GABBR2: variants seen among roughly 807,000 people sequenced by gnomAD.
GABBR2 encodes the protein gamma-aminobutyric acid type B receptor subunit 2, also known as G-protein coupled receptor 51.
In GABBR2, 23 loss-of-function variants were observed where a neutral mutation model predicts 105.6. The ratio of observed to expected loss-of-function variants is 0.22; its 90% CI spans 0.16 to 0.31. The LOEUF (loss-of-function observed/expected upper bound fraction) is 0.31, where lower values mean the gene tolerates loss of function less well. Ranked by LOEUF, GABBR2 falls within the 10% of genes least tolerant of loss-of-function variation. The pLI is 1.00. For missense variants in GABBR2, 734 were observed against 1,245.5 expected (o/e 0.59, Z 6.18); for synonymous variants, 478 against 499.7 (o/e 0.96, Z 0.58).
chr9:98,688,818 G>A (rs1051785096), intron 1 of GABBR2, among the ~76,000 whole-genome samples: 7 of 152,196 alleles, frequency 4.6e-5, no homozygotes, highest in Non-Finnish European at 7.3e-5. Flanking sequence ...TGGGAGGGGC[G>A]TTCCAGGGAA....
At chr9:98,295,667 A>G (rs1830368884) in intron 17 of GABBR2, among the ~76,000 whole-genome samples, 2 of 152,094 alleles carry the variant, frequency 1.3e-5, no homozygotes, top group South Asian at 4.1e-4. Context: ...CTGGGACTAC[A>G]GGCACGTGCT....
chr9:98,375,928 C>G (rs1831864942), intron 11 of GABBR2, among the ~76,000 whole-genome samples: 1 of 152,244 alleles, frequency 6.6e-6, no homozygotes, highest in African/African-American at 2.4e-5. Context: ...ATACAAGTCT[C>G]TACTGGTTCG....
At chr9:98,588,741 C>T (rs7861148) in intron 1 of GABBR2, among the ~76,000 whole-genome samples, 13,201 of 152,250 alleles carry the variant, frequency 0.087, 1,538 homozygotes, top group African/African-American at 0.27. Context: ...TTCCCAGCCC[C>T]TCCCCCCGAC....
intron 13 of GABBR2, among the ~76,000 whole-genome samples, chr9:98,316,969 G>A (rs1830729272): frequency 6.6e-6 from 1 of 152,174 alleles, no homozygotes; most frequent in Admixed American, 6.6e-5. Context: ...CTTCCCTGAT[G>A]TGCCCTCCTC....
intron 3 of GABBR2, among the ~76,000 whole-genome samples, chr9:98,527,088 T>TATA (rs955549505): frequency 6.8e-6 from 1 of 147,906 alleles, no homozygotes; most frequent in Non-Finnish European, 1.5e-5. Context: ...GTTAATAATA[T>TATA]ATAATAATAA....
At chr9:98,662,056 C>T (rs2090996993) in intron 1 of GABBR2, among the ~76,000 whole-genome samples, 1 of 152,234 alleles carries the variant, frequency 6.6e-6, no homozygotes, top group South Asian at 2.1e-4. Context: ...CACACTCTTA[C>T]AGGTGTTATT....
At chr9:98,673,402 G>A (rs1230762661) in intron 1 of GABBR2, among the ~76,000 whole-genome samples, 3 of 152,184 alleles carry the variant, frequency 2.0e-5, no homozygotes, top group Non-Finnish European at 4.4e-5. Context: ...AATGAGGACT[G>A]AGATGAAGAT....
At chr9:98,590,248 G>A (rs896203555) in intron 1 of GABBR2, among the ~76,000 whole-genome samples, 4 of 152,212 alleles carry the variant, frequency 2.6e-5, no homozygotes, top group African/African-American at 2.4e-5. Context: ...CCCCTTCCCC[G>A]GGGTGATGGA....
intron 13 of GABBR2, among the ~76,000 whole-genome samples, chr9:98,327,729 C>T (rs1190342216): frequency 2.6e-5 from 4 of 151,548 alleles, no homozygotes; most frequent in African/African-American, 4.9e-5. Context: ...ATTAGCCAGG[C>T]GTGATGGTGT....
intron 1 of GABBR2, among the ~76,000 whole-genome samples, chr9:98,638,883 A>G (rs573139841): frequency 6.6e-6 from 1 of 152,372 alleles, no homozygotes; most frequent in African/African-American, 2.4e-5. Context: ...TTCTGTCTTT[A>G]GATGAATGCA....
At chr9:98,520,009 C>T (rs1827834825) in intron 3 of GABBR2, among the ~76,000 whole-genome samples, 1 of 152,156 alleles carries the variant, frequency 6.6e-6, no homozygotes, top group Non-Finnish European at 1.5e-5. Context: ...TGACTCTAGA[C>T]TAGCATGCTA....
chr9:98,643,951 G>A (rs1239967391), intron 1 of GABBR2, among the ~76,000 whole-genome samples: 1 of 152,176 alleles, frequency 6.6e-6, no homozygotes, highest in Non-Finnish European at 1.5e-5. Context: ...CCGGGGGCTA[G>A]CCTTCCCCAA....
At chr9:98,401,924 A>G (rs1480768178) in intron 8 of GABBR2, among the ~76,000 whole-genome samples, 1 of 152,232 alleles carries the variant, frequency 6.6e-6, no homozygotes, top group Non-Finnish European at 1.5e-5. Context: ...GGAAATGCGC[A>G]CTGAATACAA....
At chr9:98,423,128 G>A (rs1041555851) in intron 7 of GABBR2, among the ~76,000 whole-genome samples, 1 of 152,228 alleles carries the variant, frequency 6.6e-6, no homozygotes, top group Non-Finnish European at 1.5e-5. Context: ...TATATACCCA[G>A]TAATGGGATG....
At chr9:98,680,044 T>C (rs1194313239) in intron 1 of GABBR2, among the ~76,000 whole-genome samples, 29 of 152,198 alleles carry the variant, frequency 1.9e-4, no homozygotes, top group Admixed American at 1.9e-3. Context: ...CTTTTCTCTT[T>C]AATCTATCTT....
rs1249468034 is a variant in GABBR2, at chr9:98,640,269, T to C, written c.322-62197A>G. 3.3e-5 allele frequency among the ~76,000 whole-genome samples: 5 copies of C among 152,102 alleles called. No individual in the cohort carries two copies. The East Asian group carries it at 7.7e-4, about 24-fold the overall frequency. On this transcript the variant is annotated intron_variant, in intron 1 of 18. Coordinates refer to ENST00000259455, the MANE Select transcript of GABBR2 (RefSeq NM_005458.8). ...ACACAGTAGGTGCACCAGTAACACA[T>C]GTTGAACTGAATTCAATCCCCTAAC... is the stretch of plus-strand genomic sequence containing the variant.
intron 11 of GABBR2, among the ~76,000 whole-genome samples, chr9:98,374,228 TTGTC>T (rs1306059372): frequency 6.6e-6 from 1 of 152,228 alleles, no homozygotes; most frequent in African/African-American, 2.4e-5. Context: ...TCCAGGCCAC[TTGTC>T]TATTTTGTGA....
Position 98,454,535 on chromosome 9 carries a change from G to A in GABBR2, c.1000-318C>T, listed in dbSNP as rs1826292171. 6.6e-6 allele frequency among the ~76,000 whole-genome samples: 1 copy of A among 152,178 alleles called. No homozygotes were observed. The highest frequency in any genetic ancestry group is 2.1e-4 in the South Asian group (1 of 4,830). On this transcript the variant is annotated intron_variant, in intron 6 of 18. Transcript: ENST00000259455. This position sits in a 1 kb window ranked among gnomAD's most constrained non-coding sequence, Gnocchi z 4.6. The stretch of plus-strand genomic sequence containing the variant: ...GATAATACACCCTAACCAGGCCTTT[G>A]CCTCTAAACTTGCAGGGCCTGGGGT...
intron 7 of GABBR2, among the ~76,000 whole-genome samples, chr9:98,410,244 G>C (rs1440672789): frequency 6.6e-6 from 1 of 152,050 alleles, no homozygotes; most frequent in Non-Finnish European, 1.5e-5. Flanking sequence ...GGCTGTAACA[G>C]AATCATCACA....
Sources: allele counts gnomAD v4.1 joint callset (sites outside exome capture counted in the v4.1 genomes callset), GRCh38; gene constraint gnomAD v4.1.1; non-coding constraint Gnocchi (gnomAD v3.1); transcripts MANE v1.5; gene names NCBI Gene and HGNC (gene_info 2026-07-23, HGNC 2026-07-21).